The following ARHGAP24 variants were observed in gnomAD, a reference collection of about 807,000 sequenced individuals.
ARHGAP24 encodes Rho GTPase activating protein 24.
A neutral mutation model predicts 76.4 loss-of-function variants in ARHGAP24; 50 were observed. That is an observed-to-expected ratio of 0.65 (90% CI 0.52 to 0.83). The LOEUF is 0.83. Among genes scored for constraint, ARHGAP24 ranks in the 40% least tolerant of loss-of-function variants. ARHGAP24 has a pLI of 0.00. For synonymous variants in ARHGAP24, 345 were observed against 323.3 expected (o/e 1.07, Z -0.72); for missense variants, 930 against 914.2 (o/e 1.02, Z -0.22).
chr4:85,665,086 G>C (rs1201135261), intron 2 of ARHGAP24, among the ~76,000 whole-genome samples: 4 of 151,784 alleles, frequency 2.6e-5, no homozygotes, highest in Non-Finnish European at 5.9e-5. Flanking sequence ...TTTCTGTCTC[G>C]TTTTTCTGTC....
intron 3 of ARHGAP24, among the ~76,000 whole-genome samples, chr4:85,750,504 T>G (rs1726218811): frequency 7.2e-6 from 1 of 138,920 alleles, no homozygotes; most frequent in African/African-American, 2.7e-5. Context: ...TTTTTTTTTT[T>G]TTTTTTTTTT....
intron 3 of ARHGAP24, among the ~76,000 whole-genome samples, chr4:85,761,135 A>C (rs1180695556): frequency 1.3e-5 from 2 of 152,184 alleles, no homozygotes; most frequent in Non-Finnish European, 2.9e-5. Flanking sequence ...GTGGTGGTGC[A>C]TCAGCCACAA....
chr4:85,814,215 A>C (rs1729139259), intron 3 of ARHGAP24, among the ~76,000 whole-genome samples: 1 of 152,092 alleles, frequency 6.6e-6, no homozygotes, highest in African/African-American at 2.4e-5. Context: ...GAGCCAAACC[A>C]TATCATTCCA....
At chr4:85,701,028 AT>A (rs1340476744) in intron 2 of ARHGAP24, among the ~76,000 whole-genome samples, 5 of 152,174 alleles carry the variant, frequency 3.3e-5, no homozygotes, top group African/African-American at 4.8e-5. Flanking sequence ...TGGAAGAAAT[AT>A]TTCATTATAA....
At chr4:85,516,585 T>C (rs374964405) in intron 1 of ARHGAP24, among the ~76,000 whole-genome samples, 1 of 151,526 alleles carries the variant, frequency 6.6e-6, no homozygotes, top group African/African-American at 2.4e-5. Flanking sequence ...GAAATTTGTA[T>C]GTATTTTTTT....
At chr4:85,992,451 A>G (rs368572253) in intron 8 of ARHGAP24, among the ~76,000 whole-genome samples, 5 of 152,190 alleles carry the variant, frequency 3.3e-5, no homozygotes, top group African/African-American at 1.2e-4. Context: ...GACCTTAAGG[A>G]TGTTGCTCTT....
chr4:85,935,537 T>G (rs1209400316), intron 4 of ARHGAP24, among the ~76,000 whole-genome samples: 1 of 152,216 alleles, frequency 6.6e-6, no homozygotes, highest in African/African-American at 2.4e-5. Context: ...GAAAAAATTA[T>G]GTTTGAATTC....
intron 2 of ARHGAP24, among the ~76,000 whole-genome samples, chr4:85,594,232 C>A (rs1728225920): frequency 6.6e-6 from 1 of 151,698 alleles, no homozygotes; most frequent in Non-Finnish European, 1.5e-5. Context: ...GGCTTAATTT[C>A]TTGATTTCTT....
rs572969213 is a variant in ARHGAP24, at chr4:85,956,649, A to G, written c.599+14376A>G. The stretch of plus-strand genomic sequence containing the variant: ...TGGAAGAGAACCGTGGAACCCAGTG[A>G]CTAGTGTTCAGCTCCATTAGGAGGA... On this transcript the variant is annotated intron_variant, in intron 5 of 9. Transcript: ENST00000395184. Among the ~76,000 whole-genome samples, 3 of 152,304 alleles carry G rather than the reference A, an allele frequency of 2.0e-5. No individual in the cohort carries two copies. The South Asian group carries it at 6.2e-4, about 32-fold the overall frequency.
intron 1 of ARHGAP24, among the ~76,000 whole-genome samples, chr4:85,492,460 G>A (rs1212167092): frequency 6.6e-6 from 1 of 152,094 alleles, no homozygotes; most frequent in African/African-American, 2.4e-5. Context: ...TAAGCAGCTG[G>A]TTTGATAAAT....
chr4:85,635,709 A>G lies in ARHGAP24; in HGVS notation c.180+64988A>G, dbSNP rs77603353. ...GGATTTTAATTTTGCTTTAAATCTA[A>G]TTTCTATTTTATTTTAAAAAAATCT... On this transcript the variant is annotated intron_variant, in intron 2 of 9. Coordinates refer to ENST00000395184, the MANE Select transcript of ARHGAP24 (RefSeq NM_001025616.3). 6.6e-3 allele frequency among the ~76,000 whole-genome samples: 1,002 copies of G among 152,010 alleles called. 8 individuals carry two copies. The highest frequency in any genetic ancestry group is 0.017 in the Middle Eastern group (5 of 294).
chr4:85,491,356 GTTTAAC>G (rs1252907122), intron 1 of ARHGAP24, among the ~76,000 whole-genome samples: 1 of 152,072 alleles, frequency 6.6e-6, no homozygotes, highest in Admixed American at 6.6e-5. Context: ...TAATTTTTGT[GTTTAAC>G]TTTAAATATC....
intron 2 of ARHGAP24, among the ~76,000 whole-genome samples, chr4:85,629,482 A>G (rs1427215779): frequency 6.6e-6 from 1 of 152,112 alleles, no homozygotes; most frequent in Non-Finnish European, 1.5e-5. Flanking sequence ...GTTTGTTAGC[A>G]TCATTTTGTT....
chr4:85,980,605 T>G (rs1312329589), intron 8 of ARHGAP24, among the ~76,000 whole-genome samples: 2 of 152,228 alleles, frequency 1.3e-5, no homozygotes, highest in Admixed American at 6.5e-5. Flanking sequence ...ATACCCATTA[T>G]ACACTATTCC....
intron 3 of ARHGAP24, chr4:85,827,810 C>A: frequency 1.2e-6 from 1 of 849,112 alleles, no homozygotes; most frequent in Non-Finnish European, 1.7e-6. Context: ...GTTTCCATTC[C>A]TGGGTGATGG....
At chr4:85,959,151 T>C (rs1738097716) in intron 5 of ARHGAP24, among the ~76,000 whole-genome samples, 1 of 152,226 alleles carries the variant, frequency 6.6e-6, no homozygotes, top group African/African-American at 2.4e-5. Context: ...TTCTTGATGA[T>C]ATGCTAAACA....
intron 2 of ARHGAP24, among the ~76,000 whole-genome samples, chr4:85,595,800 G>T (rs1719810252): frequency 6.6e-6 from 1 of 151,968 alleles, no homozygotes; most frequent in Non-Finnish European, 1.5e-5. Flanking sequence ...ACTTCCTAAG[G>T]AGTCTGATAA....
At chr4:85,717,365 C>G (rs528968269) in intron 2 of ARHGAP24, among the ~76,000 whole-genome samples, 5 of 152,066 alleles carry the variant, frequency 3.3e-5, no homozygotes, top group Admixed American at 1.3e-4. Flanking sequence ...TGACCTTACC[C>G]TCTTATATCA....
At chr4:85,550,636 T>G (rs1346068644) in intron 1 of ARHGAP24, among the ~76,000 whole-genome samples, 5 of 152,206 alleles carry the variant, frequency 3.3e-5, no homozygotes, top group African/African-American at 4.8e-5. Context: ...AAATTGCTTT[T>G]GGCAGTATGT....
Sources: gnomAD v4.1 joint callset for allele counts (sites outside exome capture counted in the v4.1 genomes callset) on GRCh38, gnomAD v4.1.1 for gene constraint, MANE v1.5 for transcripts, NCBI Gene and HGNC (gene_info 2026-07-23, HGNC 2026-07-21) for gene names.